UCMA: variants seen among roughly 807,000 people sequenced by gnomAD.
The protein encoded by UCMA is upper zone of growth plate and cartilage matrix associated.
A neutral mutation model predicts 21.8 loss-of-function variants in UCMA; 21 were observed. That is an observed-to-expected ratio of 0.97 (90% CI 0.68 to 1.39). The LOEUF (loss-of-function observed/expected upper bound fraction) is 1.39. Ranked by LOEUF, UCMA falls within the 40% of genes most tolerant of loss-of-function variation. UCMA has a pLI of 0.00. For missense variants in UCMA, 193 were observed against 178.9 expected, an observed-to-expected ratio of 1.08 and a Z score of -0.45; for synonymous variants, 76 against 67.9, an observed-to-expected ratio of 1.12 and a Z score of -0.58.
chr10:13,224,351 G>A (rs1834796920), intron 4 of UCMA, among the ~76,000 whole-genome samples: 1 of 142,450 alleles, frequency 7.0e-6, no homozygotes, highest in African/African-American at 2.5e-5. Flanking sequence ...AAGCGGTGGG[G>A]AGGGAGGGAG....
chr10:13,231,505 T>C (rs553619001), intron 3 of UCMA, among the ~76,000 whole-genome samples: 1 of 152,248 alleles, frequency 6.6e-6, no homozygotes, highest in East Asian at 1.9e-4. Context: ...CAGAAAGCCG[T>C]TGTGGGAGGT....
chr10:13,233,353 A>T (rs1834924294), intron 3 of UCMA, among the ~76,000 whole-genome samples, 185 bp downstream of exon 3: 1 of 151,812 alleles, frequency 6.6e-6, no homozygotes, highest in Non-Finnish European at 1.5e-5. Flanking sequence ...AATCCAATAT[A>T]CGACCTACAG....
chr10:13,223,683 C>G (rs1350325866), intron 4 of UCMA, among the ~76,000 whole-genome samples: 2 of 152,128 alleles, frequency 1.3e-5, no homozygotes, highest in Non-Finnish European at 2.9e-5. Context: ...CCTGGAGTAG[C>G]TGGGATTACA....
At chr10:13,230,724 G>A (rs1055751969) in intron 3 of UCMA, among the ~76,000 whole-genome samples, 1 of 152,134 alleles carries the variant, frequency 6.6e-6, no homozygotes, top group Admixed American at 6.6e-5. Context: ...AGAGGTGCTG[G>A]GAGAAACAAG....
chr10:13,234,012 T>TG (rs1253332056), intron 1 of UCMA, among the ~76,000 whole-genome samples, 189 bp downstream of exon 1: 1 of 150,044 alleles, frequency 6.7e-6, no homozygotes, highest in Non-Finnish European at 1.5e-5. Context: ...CTTTCTTTAC[T>TG]GTTTTTTATT....
Position 13,222,284 on chromosome 10 carries a change from GC to G in UCMA, c.320-85del, listed in dbSNP as rs1327207782. 1.3e-5 allele frequency: 16 copies of G among 1,246,726 alleles called. No individual in the cohort carries two copies. In the Admixed American group the frequency reaches 3.2e-4, roughly 25 times the overall value. 77.2% of individuals were successfully genotyped at this position (1,246,726 alleles called of 1,614,324 possible). ...CCCAGCAGCCATCAGCCGAACCCCT[GC>G]CCTGTGGTGACCTGCACTGAGAGTG... On this transcript the variant is annotated intron_variant, in intron 4 of 4. Coordinates refer to ENST00000378681, the MANE Select transcript of UCMA (RefSeq NM_145314.3).
intron 1 of UCMA, 31 bp downstream of exon 1, chr10:13,234,170 A>T: frequency 1.3e-6 from 2 of 1,592,696 alleles, no homozygotes; most frequent in African/African-American, 1.3e-5. Flanking sequence ...CATGTAACTA[A>T]CACCCTCCAC....
chr10:13,234,129 G>GCCTTACCTGTGCATGGTAAGTCTC (rs1180183611), intron 1 of UCMA, 72 bp downstream of exon 1: 15 of 1,460,022 alleles, frequency 1.0e-5, no homozygotes, highest in African/African-American at 9.7e-5. Flanking sequence ...CACCTGAGCA[G>GCCTTACCTGTGCATGGTAAGTCTC]CCTTACCTGT....
intron 4 of UCMA, among the ~76,000 whole-genome samples, chr10:13,225,392 G>A (rs187328502): frequency 2.6e-5 from 4 of 151,818 alleles, no homozygotes; most frequent in African/African-American, 9.7e-5. Flanking sequence ...TAGGTGACTC[G>A]GGGCGGGGGC....
rs1374098792 is a variant in UCMA at position 13,221,815 on chromosome 10, G to C, written c.*288C>G. 7.2e-6 allele frequency: 3 copies of C among 416,552 alleles called. No homozygotes were observed. The highest frequency in any genetic ancestry group is 1.3e-5 in the Non-Finnish European group (3 of 230,690). 25.8% of individuals were successfully genotyped at this position (416,552 alleles called of 1,614,324 possible). On this transcript the variant is annotated 3_prime_UTR_variant, in exon 5 of 5. Coordinates refer to ENST00000378681, the MANE Select transcript of UCMA (RefSeq NM_145314.3). ...AGCCATAAGCAAACATGTGATTCTT[G>C]ACTGATTCTTTTGCTTGGGAACGAA...
chr10:13,233,483 G>A, intron 3 of UCMA, 55 bp downstream of exon 3: 13 of 1,417,968 alleles, frequency 9.2e-6, no homozygotes, highest in Non-Finnish European at 1.2e-5. Context: ...AGGAGCCGGG[G>A]GGTGTGAGCA....
chr10:13,223,447 A>G (rs552697449), intron 4 of UCMA, among the ~76,000 whole-genome samples: 2 of 152,354 alleles, frequency 1.3e-5, no homozygotes, highest in South Asian at 2.1e-4. Flanking sequence ...GTTCTGGCAC[A>G]TTCTACAACA....
In UCMA at chr10:13,227,269, C is replaced by G. The variant is rs534212833; in HGVS notation, c.319+2342G>C. ...TTCCGAGGGTGCTGCCTCCCCAGTCCATCAGAGCAAACGGCCAGGAGAAAT... is the reference window on the plus strand; with the variant it reads ...TTCCGAGGGTGCTGCCTCCCCAGTCGATCAGAGCAAACGGCCAGGAGAAAT... On this transcript the variant is annotated intron_variant, in intron 4 of 4. Coordinates refer to ENST00000378681, the MANE Select transcript of UCMA (RefSeq NM_145314.3). Among the ~76,000 whole-genome samples the G allele has an allele frequency of 1.1e-4, 17 of 152,308 alleles. No homozygotes were observed. The East Asian group carries it at 3.3e-3, about 29-fold the overall frequency.
chr10:13,226,462 G>T (rs77985023), intron 4 of UCMA, among the ~76,000 whole-genome samples: 11,043 of 152,086 alleles, frequency 0.073, 550 homozygotes, highest in African/African-American at 0.14. Flanking sequence ...CACATGCCAC[G>T]ATGCCCAGCT....
At chr10:13,233,982 G>T (rs1834935955) in intron 1 of UCMA, among the ~76,000 whole-genome samples, 182 bp from the exon 2 acceptor site, 1 of 151,188 alleles carries the variant, frequency 6.6e-6, no homozygotes, top group African/African-American at 2.4e-5. Context: ...GCTGGCTTGG[G>T]TTTTTTTTCT....
chr10:13,225,068 T>G (rs1834806920), intron 4 of UCMA, among the ~76,000 whole-genome samples: 2 of 151,982 alleles, frequency 1.3e-5, no homozygotes, highest in Admixed American at 6.6e-5. Context: ...TTTTTGTTGT[T>G]TTTGTTTTTG....
Position 13,233,418 on chromosome 10 carries a change from G to A in UCMA, c.220+120C>T, listed in dbSNP as rs1328645630. 3 of 755,454 alleles carry A rather than the reference G, an allele frequency of 4.0e-6. No homozygotes were observed. The Admixed American group carries it at 6.3e-5, about 16-fold the overall frequency. The allele number at this position is 755,454 out of a possible 1,614,324, so 46.8% of individuals were successfully genotyped here. ...GAGCTGCAGTCCCTTTGATACCCTG[G>A]GGTGAGCCCTTCGTGCCCAGCTGCA... On this transcript the variant is annotated intron_variant, in intron 3 of 4. Coordinates refer to ENST00000378681, the MANE Select transcript of UCMA (RefSeq NM_145314.3).
intron 4 of UCMA, among the ~76,000 whole-genome samples, chr10:13,224,746 G>A (rs1057478787): frequency 1.9e-4 from 29 of 152,202 alleles, no homozygotes; most frequent in Non-Finnish European, 3.7e-4. Flanking sequence ...TGAGAGCCGC[G>A]TGCTCAGGCC....
At chr10:13,224,832 T>C (rs1834803933) in intron 4 of UCMA, among the ~76,000 whole-genome samples, 1 of 152,106 alleles carries the variant, frequency 6.6e-6, no homozygotes, top group Admixed American at 6.5e-5. Flanking sequence ...GCCAGAAGTG[T>C]TTCCTTCTTA....
Sources: allele counts gnomAD v4.1 joint callset (sites outside exome capture counted in the v4.1 genomes callset), GRCh38; gene constraint gnomAD v4.1.1; transcripts MANE v1.5; gene names NCBI Gene and HGNC (gene_info 2026-07-23, HGNC 2026-07-21).